SLC6A18: variants seen among roughly 807,000 people sequenced by gnomAD.
SLC6A18 encodes solute carrier family 6 member 18.
SLC6A18 carries 58 observed loss-of-function variants against 62.9 expected under a neutral mutation model. That is an observed-to-expected ratio of 0.92 (90% CI 0.75 to 1.15). The LOEUF is 1.15. Ranked by LOEUF, SLC6A18 falls within the 50% of genes most tolerant of loss-of-function variation. The probability of loss-of-function intolerance (pLI) is 0.00; values close to 1 mark genes in which losing one functional copy is unlikely to be tolerated. For synonymous variants in SLC6A18, 382 were observed against 365.8 expected (o/e 1.04, Z -0.51); for missense variants, 793 against 836.6 (o/e 0.95, Z 0.64).
At chr5:1,238,393 G>C (rs1242100148) in intron 5 of SLC6A18, among the ~76,000 whole-genome samples, 75 of 51,410 alleles carry the variant, frequency 1.5e-3, no homozygotes, top group African/African-American at 5.8e-3. Flanking sequence ...TCAGGAAAGA[G>C]GTCAGGTTTG....
chr5:1,227,464 C>G (rs113125856), intron 1 of SLC6A18, among the ~76,000 whole-genome samples: 1 of 152,242 alleles, frequency 6.6e-6, no homozygotes, highest in South Asian at 2.1e-4. Flanking sequence ...TCCTAAGGGC[C>G]GTGCCATCAG....
At position 1,239,503 on chromosome 5, in the gene SLC6A18, C is replaced by T; in HGVS notation, c.786C>T (p.Phe262=). ...RVWLDAATQI[F]FSLSLAFGGH... is the part of the protein sequence containing the mutation. ...GGCTGGACGCAGCCACCCAGATATT[C>T]TTCTCTCTGTCCCTGGCCTTCGGAG... Residue 262 remains phenylalanine, a synonymous_variant, in exon 6 of 12, where the codon TTC becomes TTT. Coordinates refer to ENST00000324642, the MANE Select transcript of SLC6A18 (RefSeq NM_182632.3). 1 of 1,614,150 alleles carries T rather than the reference C, an allele frequency of 6.2e-7. No homozygotes were observed. Among genetic ancestry groups the T allele is most frequent in the African/African-American group, 1.3e-5 (1 of 75,072 alleles).
intron 1 of SLC6A18, among the ~76,000 whole-genome samples, chr5:1,230,782 T>G (rs1746712171): frequency 6.6e-6 from 1 of 152,124 alleles, no homozygotes; most frequent in East Asian, 1.9e-4. Flanking sequence ...GTCAGCGTCT[T>G]AGGGCAGAAG....
In SLC6A18 at chr5:1,239,368, T is replaced by C. The variant is rs181481026; in HGVS notation, c.733-82T>C. ...GCTCACGAGTGTCCCCAAAGCCACC[T>C]TGGGAACGTTCTGGAACAGTCAGGG... is the stretch of plus-strand genomic sequence containing the variant. On this transcript the variant is annotated intron_variant, in intron 5 of 11. Coordinates refer to ENST00000324642, the MANE Select transcript of SLC6A18 (RefSeq NM_182632.3). The C allele has an allele frequency of 1.3e-5, 14 of 1,065,588 alleles. No homozygotes were observed. In the East Asian group the frequency reaches 3.3e-4, roughly 25 times the overall value. 66.0% of individuals were successfully genotyped at this position (1,065,588 alleles called of 1,614,324 possible). A position where few individuals can be genotyped will look rare whatever the true frequency, so the allele number is the denominator to read the frequency against.
At chr5:1,232,444 T>G (rs527904273) in intron 2 of SLC6A18, 85 bp downstream of exon 2, 34 of 1,485,284 alleles carry the variant, frequency 2.3e-5, no homozygotes, top group Non-Finnish European at 2.7e-5. Context: ...GGCGGGTCCA[T>G]GCCTGTGGTA....
chr5:1,242,298 C>T (rs1371409827), intron 7 of SLC6A18, among the ~76,000 whole-genome samples: 1 of 152,236 alleles, frequency 6.6e-6, no homozygotes, highest in Non-Finnish European at 1.5e-5. Context: ...GTAAACCATG[C>T]CCCTACCAGT....
intron 4 of SLC6A18, among the ~76,000 whole-genome samples, chr5:1,237,707 G>A (rs1746921049): frequency 6.6e-6 from 1 of 152,094 alleles, no homozygotes; most frequent in African/African-American, 2.4e-5. Context: ...GTGCTCCATG[G>A]GGCACAAACA....
chr5:1,231,952 G>A lies in SLC6A18; in HGVS notation c.161-267G>A, dbSNP rs1045162307. 2.0e-5 allele frequency among the ~76,000 whole-genome samples: 3 copies of A among 152,202 alleles called. No homozygotes were observed. The South Asian group carries it at 6.2e-4, about 32-fold the overall frequency. On this transcript the variant is annotated intron_variant, in intron 1 of 11. Transcript: ENST00000324642. ...GGTCACGCTTAGACCCCAAGTCCTA[G>A]TCCAGGGCCGGCTGCCTCCTTTTGG...
intron 5 of SLC6A18, 149 bp from the exon 6 acceptor site, chr5:1,239,301 C>A: frequency 8.3e-6 from 5 of 603,886 alleles, no homozygotes; most frequent in Non-Finnish European, 8.9e-6. Flanking sequence ...TGCACACCTG[C>A]GTGGTCCTAC....
intron 1 of SLC6A18, among the ~76,000 whole-genome samples, chr5:1,229,187 G>A (rs1181690792): frequency 1.3e-5 from 2 of 151,832 alleles, no homozygotes; most frequent in African/African-American, 2.4e-5. Context: ...TTCCTGTTTC[G>A]TGAAGATCCC....
In SLC6A18 at chr5:1,245,889, G is replaced by T; in HGVS notation, c.1698G>T (p.Trp566Cys). The change falls in exon 12 of 12, where the codon TGG (tryptophan) becomes TGT (cysteine). Residue 566 changes from tryptophan (W) to cysteine (C), a missense_variant. Coordinates refer to ENST00000324642, the MANE Select transcript of SLC6A18 (RefSeq NM_182632.3). ...GTCAGGAGAAGCTCTACCCGGGCTG[G>T]GCGCGCGCCGCCTGTGTGCTGCTGT... ...PSRQEKLYPGWARAACVLLSL... is the reference protein window; with the variant it reads ...PSRQEKLYPGCARAACVLLSL... 1 of 1,608,046 alleles carries T rather than the reference G, an allele frequency of 6.2e-7. No individual in the cohort carries two copies.
At chr5:1,236,460 A>G (rs1746885187) in intron 4 of SLC6A18, among the ~76,000 whole-genome samples, 1 of 152,244 alleles carries the variant, frequency 6.6e-6, no homozygotes, top group Non-Finnish European at 1.5e-5. Context: ...AAAGAGGCTT[A>G]AATAATGAGA....
In SLC6A18 at chr5:1,246,005, C is replaced by G; in HGVS notation, c.1814C>G (p.Pro605Arg). Residue 605 changes from proline to arginine, a missense_variant, in exon 12 of 12, where the codon CCA (proline) becomes CGA (arginine). Pro to Arg is a moderately radical substitution (Grantham distance 103). Transcript: ENST00000324642. ...ACGTGGAGGGACAGGGACGCGCGCC[C>G]AGACACGGACATGCGCCCGGACACG... ...RRTWRDRDARPDTDMRPDTDT... is the reference protein window; with the variant it reads ...RRTWRDRDARRDTDMRPDTDT... The G allele has an allele frequency of 1.9e-6, 3 of 1,596,244 alleles. No homozygotes were observed. Among genetic ancestry groups the G allele is most frequent in the Non-Finnish European group, 2.5e-6 (3 of 1,176,950 alleles).
intron 8 of SLC6A18, 56 bp downstream of exon 8, chr5:1,242,919 C>A (rs550984479): frequency 1.3e-6 from 2 of 1,524,946 alleles, no homozygotes; most frequent in African/African-American, 1.4e-5. Context: ...AGCACCAGGG[C>A]CGCACTGGCT....
chr5:1,232,465 C>G, intron 2 of SLC6A18, 106 bp downstream of exon 2: 1 of 1,439,158 alleles, frequency 6.9e-7, no homozygotes, highest in Non-Finnish European at 9.3e-7. Context: ...CGGAAGCGGC[C>G]AGGCCAGGCC....
chr5:1,240,648 C>T lies in SLC6A18; in HGVS notation c.963C>T (p.His321=). 1.2e-6 allele frequency: 2 copies of T among 1,613,962 alleles called. No homozygotes were observed. Among genetic ancestry groups the T allele is most frequent in the Non-Finnish European group, 1.7e-6 (2 of 1,180,002 alleles). ...LGFKATNDYE[H]CLDRNILSLI... ...TCAAAGCAACTAATGACTACGAGCA[C>T]TGCCTGGACAGGTGAGCACAGGTGC... Residue 321 remains histidine (H), a synonymous_variant, in exon 7 of 12, where the codon CAC becomes CAT. Transcript: ENST00000324642.
rs113861454 is a variant in SLC6A18 at position 1,232,293 on chromosome 5, G to A, written c.235G>A (p.Gly79Ser). ...CATTTTCCACGTCGAGCTCGCCATC[G>A]GCCAGCGGCTGCGGAAGGGCAGCGT... ...IPIFHVELAIGQRLRKGSVGV... is the reference protein window; with the variant it reads ...IPIFHVELAISQRLRKGSVGV... Residue 79 changes from glycine to serine, a missense_variant, in exon 2 of 12, where the codon GGC (glycine) becomes AGC (serine). Transcript: ENST00000324642. 0.053 allele frequency: 84,756 copies of A among 1,612,520 alleles called. 2,545 individuals carry two copies. The highest frequency in any genetic ancestry group is 0.09 in the Admixed American group (5,421 of 59,924).
chr5:1,232,535 G>T (rs1746759921), intron 2 of SLC6A18, among the ~76,000 whole-genome samples, 176 bp downstream of exon 2: 1 of 152,228 alleles, frequency 6.6e-6, no homozygotes, highest in Non-Finnish European at 1.5e-5. Flanking sequence ...GACTCGGGGA[G>T]AATTAGAGAT....
rs755043703 is a variant in SLC6A18 at position 1,244,657 on chromosome 5, T to C, written c.1546T>C (p.Trp516Arg). 5 of 1,611,066 alleles carry C rather than the reference T, an allele frequency of 3.1e-6. No individual in the cohort carries two copies. Among genetic ancestry groups the C allele is most frequent in the Non-Finnish European group, 4.2e-6 (5 of 1,177,632 alleles). ...WMTGRRPSPY[W>R]RLTWRVVSPL... The stretch of plus-strand genomic sequence containing the variant: ...GACCGGGAGGCGGCCCAGCCCCTAC[T>C]GGCGGCTGACCTGGAGGGTGGTCAG... Residue 516 changes from tryptophan to arginine, a missense_variant, in exon 11 of 12, where the codon TGG becomes CGG. Transcript: ENST00000324642.
Sources: gnomAD v4.1 joint callset for allele counts (sites outside exome capture counted in the v4.1 genomes callset) on GRCh38, gnomAD v4.1.1 for gene constraint, MANE v1.5 for transcripts, NCBI Gene and HGNC (gene_info 2026-07-23, HGNC 2026-07-21) for gene names.